The following BRINP3 variants were observed in gnomAD, a reference collection of about 807,000 sequenced individuals.
BRINP3 encodes the protein BMP/retinoic acid-inducible neural-specific protein 3.
In BRINP3, 19 loss-of-function variants were observed where a neutral mutation model predicts 71.0. The observed-to-expected ratio is 0.27, with a 90% CI of 0.19 to 0.39. The LOEUF (loss-of-function observed/expected upper bound fraction) is 0.39. Ranked by LOEUF, BRINP3 falls within the 10% of genes least tolerant of loss-of-function variation. BRINP3 has a pLI of 1.00. For missense variants in BRINP3, 959 were observed against 940.8 expected (o/e 1.02, Z -0.25); for synonymous variants, 380 against 337.7 (o/e 1.13, Z -1.37).
chr1:190,376,130 G>A (rs1245829534), intron 2 of BRINP3, among the ~76,000 whole-genome samples: 2 of 151,844 alleles, frequency 1.3e-5, no homozygotes, highest in Non-Finnish European at 2.9e-5. Context: ...CCTCTTCAGG[G>A]TTTAGTAGGC....
intron 2 of BRINP3, among the ~76,000 whole-genome samples, chr1:190,301,240 CAT>C (rs774534733): frequency 0.084 from 9,198 of 110,092 alleles, 646 homozygotes; most frequent in East Asian, 0.2. Flanking sequence ...TATATACACA[CAT>C]ACATATATAT....
At chr1:190,472,546 G>T (rs1223481084) in intron 1 of BRINP3, among the ~76,000 whole-genome samples, 1 of 151,506 alleles carries the variant, frequency 6.6e-6, no homozygotes, top group Non-Finnish European at 1.5e-5. Context: ...ATATTAATAT[G>T]CAATTTGCTA....
intron 3 of BRINP3, among the ~76,000 whole-genome samples, chr1:190,277,632 AT>A (rs1425522938): frequency 3.3e-5 from 5 of 151,540 alleles, no homozygotes; most frequent in African/African-American, 1.2e-4. Context: ...TAAAGTCATT[AT>A]TTTTTGTCAT....
Position 190,202,833 on chromosome 1 carries a change from T to C in BRINP3, c.961+23249A>G, listed in dbSNP as rs145626375. 4.4e-3 allele frequency among the ~76,000 whole-genome samples: 663 copies of C among 152,250 alleles called. 5 individuals are homozygous for C. Among genetic ancestry groups the C allele is most frequent in the Admixed American group, 9.8e-3 (150 of 15,280 alleles). On this transcript the variant is annotated intron_variant, in intron 6 of 7. Transcript: ENST00000367462. ...CAGCCATGTAGAACTGTAAGTCCAATTAAACCTCTCTTTTGTAAATAGCCC... is the reference window on the plus strand; with the variant it reads ...CAGCCATGTAGAACTGTAAGTCCAACTAAACCTCTCTTTTGTAAATAGCCC...
At chr1:190,425,543 A>T (rs1673648381) in intron 2 of BRINP3, among the ~76,000 whole-genome samples, 1 of 151,778 alleles carries the variant, frequency 6.6e-6, no homozygotes, top group Non-Finnish European at 1.5e-5. Context: ...GTGAATTTTT[A>T]ACTTGGAAAG....
chr1:190,277,143 T>C (rs1319751472), intron 3 of BRINP3, among the ~76,000 whole-genome samples: 7 of 94,032 alleles, frequency 7.4e-5, no homozygotes, highest in Admixed American at 2.6e-4. Flanking sequence ...GAAAACTTTT[T>C]CCCTGCATTC....
intron 7 of BRINP3, among the ~76,000 whole-genome samples, chr1:190,121,838 T>C (rs879705617): frequency 5.3e-5 from 8 of 151,874 alleles, no homozygotes; most frequent in Non-Finnish European, 7.4e-5. Flanking sequence ...TGAAGTAAAA[T>C]AGAAAAAAAG....
At chr1:190,254,387 G>A (rs1263438308) in intron 4 of BRINP3, among the ~76,000 whole-genome samples, 1 of 151,388 alleles carries the variant, frequency 6.6e-6, no homozygotes, top group Non-Finnish European at 1.5e-5. Context: ...TCACGATATT[G>A]ATTCTTCCTA....
chr1:190,280,839 A>G (rs552895475), intron 3 of BRINP3, among the ~76,000 whole-genome samples: 2 of 152,038 alleles, frequency 1.3e-5, no homozygotes, highest in Admixed American at 1.3e-4. Context: ...AATTAAATAT[A>G]TGTAATTCTG....
chr1:190,304,061 A>T (rs773808892), intron 2 of BRINP3, among the ~76,000 whole-genome samples: 2 of 151,822 alleles, frequency 1.3e-5, no homozygotes, highest in African/African-American at 2.4e-5. Context: ...AACCTGAAGA[A>T]AGTAAGAATT....
intron 2 of BRINP3, among the ~76,000 whole-genome samples, chr1:190,392,833 A>C (rs190818838): frequency 6.6e-6 from 1 of 151,684 alleles, no homozygotes; most frequent in Non-Finnish European, 1.5e-5. Flanking sequence ...TTAAAACAGT[A>C]ATTAGCATTC....
chr1:190,437,316 T>C (rs377710421), intron 2 of BRINP3, among the ~76,000 whole-genome samples: 44 of 151,916 alleles, frequency 2.9e-4, no homozygotes, highest in African/African-American at 1.0e-3. Context: ...ACAGCCTCCA[T>C]GCAAACAACC....
intron 2 of BRINP3, among the ~76,000 whole-genome samples, chr1:190,378,919 A>G (rs1443401265): frequency 6.6e-6 from 1 of 152,212 alleles, no homozygotes; most frequent in African/African-American, 2.4e-5. Context: ...AGGGGAACCA[A>G]TGCAAACATG....
chr1:190,411,904 G>T (rs1022286611), intron 2 of BRINP3, among the ~76,000 whole-genome samples: 5 of 152,102 alleles, frequency 3.3e-5, no homozygotes, highest in Non-Finnish European at 5.9e-5. Context: ...TTCACAGAAG[G>T]AACAGATATG....
intron 6 of BRINP3, chr1:190,216,843 C>T (rs773689862): frequency 6.6e-6 from 1 of 151,856 alleles, no homozygotes; most frequent in Non-Finnish European, 1.5e-5. Context: ...CTTCATGTTG[C>T]TACTTACATT....
At chr1:190,371,569 T>C (rs1466601857) in intron 2 of BRINP3, among the ~76,000 whole-genome samples, 1 of 152,182 alleles carries the variant, frequency 6.6e-6, no homozygotes, top group East Asian at 1.9e-4. Context: ...ATGCTTTGAT[T>C]ACTATAGCTT....
At chr1:190,242,356 A>G (rs1659184875) in intron 4 of BRINP3, among the ~76,000 whole-genome samples, 1 of 152,078 alleles carries the variant, frequency 6.6e-6, no homozygotes, top group Admixed American at 6.6e-5. Context: ...CATAATTAAT[A>G]TAGTGACTTA....
chr1:190,187,760 G>T, intron 6 of BRINP3, among the ~76,000 whole-genome samples: 1 of 151,752 alleles, frequency 6.6e-6, no homozygotes. Context: ...CATGTTTTTT[G>T]TGTTTTTCTT....
chr1:190,126,099 G>C (rs1279450318), intron 7 of BRINP3, among the ~76,000 whole-genome samples: 1 of 151,868 alleles, frequency 6.6e-6, no homozygotes, highest in Admixed American at 6.6e-5. Context: ...GAATTGATTT[G>C]ACTAGGAATT....
Sources: gnomAD v4.1 joint callset for allele counts (sites outside exome capture counted in the v4.1 genomes callset) on GRCh38, gnomAD v4.1.1 for gene constraint, MANE v1.5 for transcripts, NCBI Gene and HGNC (gene_info 2026-07-23, HGNC 2026-07-21) for gene names.